The following MUC5AC variants were observed in gnomAD, a reference collection of about 807,000 sequenced individuals.
The protein encoded by MUC5AC is mucin 5AC, oligomeric mucus/gel-forming, also known as mucin-5AC.
MUC5AC carries 158 observed loss-of-function variants against 169.7 expected under a neutral mutation model. That is an observed-to-expected ratio of 0.93 (90% CI 0.82 to 1.06). MUC5AC has a LOEUF of 1.06. Among genes scored for constraint, MUC5AC ranks in the 50% least tolerant of loss-of-function variants. MUC5AC has a pLI of 0.00. For missense variants in MUC5AC, 4,359 were observed against 3,089.9 expected, an observed-to-expected ratio of 1.41 and a Z score of -9.74; for synonymous variants, 1,975 against 1,237.0, an observed-to-expected ratio of 1.60 and a Z score of -12.52.
chr11:1,174,686 C>CAGTG (rs1860630464), intron 17 of MUC5AC, 64 bp downstream of exon 17: 8 of 668,406 alleles, frequency 1.2e-5, no homozygotes, highest in Non-Finnish European at 1.8e-5. Context: ...GGGGTGCCCC[C>CAGTG]AGTGTGCACA....
At position 1,178,669 on chromosome 11, in the gene MUC5AC, G is replaced by A. The variant is rs1010764588; in HGVS notation, c.3313G>A (p.Ala1105Thr). Residue 1105 changes from alanine to threonine, a missense_variant, in exon 25 of 49, where the codon GCC (alanine) becomes ACC (threonine). Transcript: ENST00000621226. ...CATCCTCCACGGCCCCACCTTCGCC[G>A]CCTGCCACGCACACGTATGCTGGCC... ...CSILHGPTFA[A>T]CHAHVEPARY... 7.5e-5 allele frequency: 99 copies of A among 1,314,884 alleles called. 1 individual carries two copies. The South Asian group carries it at 1.0e-3, about 14-fold the overall frequency. The allele number at this position is 1,314,884 out of a possible 1,614,324, so 81.5% of individuals were successfully genotyped here.
intron 24 of MUC5AC, 109 bp from the exon 25 acceptor site, chr11:1,178,335 G>A: frequency 8.4e-6 from 3 of 355,578 alleles, no homozygotes; most frequent in Non-Finnish European, 1.0e-5. Flanking sequence ...GGGAGGAGGC[G>A]GCCGCAGGGC....
At chr11:1,171,622 AACTC>A (rs1200585433) in intron 15 of MUC5AC, among the ~76,000 whole-genome samples, 1 of 18,082 alleles carries the variant, frequency 5.5e-5, no homozygotes, top group African/African-American at 2.4e-4. Context: ...CCCACTCACG[AACTC>A]ACTCACCCAC....
At chr11:1,170,488 C>T (rs1860476390) in intron 15 of MUC5AC, among the ~76,000 whole-genome samples, 2 of 141,896 alleles carry the variant, frequency 1.4e-5, no homozygotes, top group African/African-American at 2.7e-5. Context: ...CACTCACCCA[C>T]TCACTCACCC....
chr11:1,164,485 C>T lies in MUC5AC; in HGVS notation c.1082C>T (p.Ser361Phe), dbSNP rs1433755383. The T allele has an allele frequency of 6.2e-7, 1 of 1,611,838 alleles. No individual in the cohort carries two copies. The highest frequency in any genetic ancestry group is 8.5e-7 in the Non-Finnish European group (1 of 1,179,544). Residue 361 changes from serine (S) to phenylalanine (F), a missense_variant, in exon 9 of 49, where the codon TCC becomes TTC. Transcript: ENST00000621226. ...GACACCTGCTCCAACCAGGAGCACT[C>T]CCGGGCCTGTGAGGACCACTGTGTG... Reference protein sequence around the residue: ...CADTCSNQEHSRACEDHCVAG... With the variant: ...CADTCSNQEHFRACEDHCVAG...
intron 36 of MUC5AC, 112 bp downstream of exon 36, chr11:1,195,391 G>A: frequency 1.5e-6 from 1 of 655,030 alleles, no homozygotes; most frequent in African/African-American, 1.8e-5. Context: ...GAGGAAACGA[G>A]AGCTGCTGGT....
intron 1 of MUC5AC, 73 bp downstream of exon 1, chr11:1,158,145 C>CT: frequency 7.2e-7 from 1 of 1,384,744 alleles, no homozygotes; most frequent in East Asian, 2.5e-5. Context: ...GCAGCTCAGT[C>CT]TTTGCCCTGG....
At chr11:1,168,388 C>A (rs1860394865) in intron 12 of MUC5AC, 95 bp from the exon 13 acceptor site, 3 of 1,239,416 alleles carry the variant, frequency 2.4e-6, no homozygotes, top group South Asian at 2.6e-5. Flanking sequence ...CAGGGAAAGG[C>A]CTCCTAGGCA....
Position 1,185,655 on chromosome 11 carries a change from C to G in MUC5AC, c.7510C>G (p.Pro2504Ala), listed in dbSNP as rs1341113693. The change falls in exon 31 of 49, where the codon CCT becomes GCT. Residue 2504 changes from proline to alanine, a missense_variant. Transcript: ENST00000621226. ...PVPTTSTTSS[P>A]TTSTTSAPTT... is the part of the protein sequence containing the mutation. ...TCCTACCACCAGCACAACCTCTTCT[C>G]CTACAACCAGCACAACCTCTGCTCC... The G allele has an allele frequency of 2.7e-6, 2 of 735,674 alleles. No individual in the cohort carries two copies. Among genetic ancestry groups the G allele is most frequent in the Non-Finnish European group, 5.0e-6 (2 of 403,258 alleles). The allele number at this position is 735,674 out of a possible 1,614,324, so 45.6% of individuals were successfully genotyped here.
intron 26 of MUC5AC, 77 bp downstream of exon 26, chr11:1,179,325 TGG>T (rs1564912159): frequency 1.7e-5 from 6 of 343,960 alleles, no homozygotes; most frequent in African/African-American, 2.0e-4. Context: ...CGCTGATGCG[TGG>T]GGTGTGTGGG....
chr11:1,183,863 CA>C lies in MUC5AC; in HGVS notation c.5725del (p.Thr1909LeufsTer62). 5 of 403,038 alleles carry C rather than the reference CA, an allele frequency of 1.2e-5. No homozygotes were observed. Among genetic ancestry groups the C allele is most frequent in the Non-Finnish European group, 2.2e-5 (5 of 231,048 alleles). The allele number at this position is 403,038 out of a possible 1,614,324, so 25.0% of individuals were successfully genotyped here. ...CTGCCCCAGGTACCGCTACCTCTGT[CA>C]AAAAAACTTTCTCAACTCCCAGCCC... is the stretch of plus-strand genomic sequence containing the variant. The part of the protein sequence containing the change: ...TPAPGTATSV[K>X]KTFSTPSPPP... On this transcript the variant is annotated frameshift_variant, in exon 31 of 49. Coordinates refer to ENST00000621226, the MANE Select transcript of MUC5AC (RefSeq NM_001304359.2). LOFTEE classifies it high-confidence loss of function.
Position 1,185,009 on chromosome 11 carries a change from T to C in MUC5AC, c.6864T>C (p.Pro2288=). The C allele has an allele frequency of 2.9e-6, 2 of 686,868 alleles. No homozygotes were observed. The highest frequency in any genetic ancestry group is 5.3e-6 in the Non-Finnish European group (2 of 376,290). The allele number at this position is 686,868 out of a possible 1,614,324, so 42.5% of individuals were successfully genotyped here. A position where few individuals can be genotyped will look rare whatever the true frequency, so the allele number is the denominator to read the frequency against. The change falls in exon 31 of 49, where the codon CCT becomes CCC. Residue 2288 remains proline (P), a synonymous_variant. Transcript: ENST00000621226. ...CTACAGCCAGAACAACCTCTGCTCC[T>C]ACAACCAGAACAACCTCTGCCTCTC... ...SAPTARTTSA[P]TTRTTSASPA... is the part of the protein sequence containing the mutation.
intron 15 of MUC5AC, among the ~76,000 whole-genome samples, chr11:1,170,521 T>C (rs1860477842): frequency 1.0e-5 from 1 of 100,326 alleles, no homozygotes; most frequent in Admixed American, 9.8e-5. Flanking sequence ...AACCATTCAC[T>C]CACCCATTCA....
rs1409026378 is a variant in MUC5AC at position 1,178,670 on chromosome 11, C to T, written c.3314C>T (p.Ala1105Val). The T allele has an allele frequency of 1.5e-6, 2 of 1,316,880 alleles. No homozygotes were observed. The highest frequency in any genetic ancestry group is 2.0e-6 in the Non-Finnish European group (2 of 1,025,602). 81.6% of individuals were successfully genotyped at this position (1,316,880 alleles called of 1,614,324 possible). Residue 1105 changes from alanine (A) to valine (V), a missense_variant, in exon 25 of 49, where the codon GCC (alanine) becomes GTC (valine). Coordinates refer to ENST00000621226, the MANE Select transcript of MUC5AC (RefSeq NM_001304359.2). ...ATCCTCCACGGCCCCACCTTCGCCG[C>T]CTGCCACGCACACGTATGCTGGCCG... is the stretch of plus-strand genomic sequence containing the variant. Reference protein sequence around the residue: ...CSILHGPTFAACHAHVEPARY... With the variant: ...CSILHGPTFAVCHAHVEPARY...
chr11:1,174,135 G>A (rs1860618486), intron 16 of MUC5AC, among the ~76,000 whole-genome samples: 1 of 152,238 alleles, frequency 6.6e-6, no homozygotes, highest in Admixed American at 6.5e-5. Flanking sequence ...CTAGGCCCAG[G>A]GGCTAAACTT....
At chr11:1,198,411 A>G (rs1159239100) in intron 43 of MUC5AC, 106 bp downstream of exon 43, 4 of 687,898 alleles carry the variant, frequency 5.8e-6, no homozygotes, top group Non-Finnish European at 1.1e-5. Flanking sequence ...GGCCGAGGCC[A>G]GGGACTCGAG....
intron 35 of MUC5AC, 83 bp downstream of exon 35, chr11:1,194,753 G>A (rs1044332528): frequency 3.2e-5 from 21 of 654,088 alleles, no homozygotes; most frequent in East Asian, 2.1e-4. Flanking sequence ...CACGTGCCGC[G>A]TGTGCCGGTG....
intron 1 of MUC5AC, among the ~76,000 whole-genome samples, chr11:1,160,235 C>T (rs982383989): frequency 3.3e-5 from 5 of 152,126 alleles, no homozygotes; most frequent in Non-Finnish European, 7.4e-5. Flanking sequence ...TTGACTGCTC[C>T]AGCCCCTCAG....
chr11:1,161,758 G>A, intron 3 of MUC5AC, 149 bp from the exon 4 acceptor site: 1 of 1,332,006 alleles, frequency 7.5e-7, no homozygotes, highest in Non-Finnish European at 1.0e-6. Flanking sequence ...GGACTTCCCA[G>A]ATGCAGGAAG....
Sources: gnomAD v4.1 joint callset for allele counts (sites outside exome capture counted in the v4.1 genomes callset) on GRCh38, gnomAD v4.1.1 for gene constraint, MANE v1.5 for transcripts, NCBI Gene and HGNC (gene_info 2026-07-23, HGNC 2026-07-21) for gene names.